Variants in DIAPH2 observed in about 807,000 individuals in gnomAD.
DIAPH2 encodes protein diaphanous homolog 2.
A neutral mutation model predicts 92.7 loss-of-function variants in DIAPH2; 35 were observed. The ratio of observed to expected loss-of-function variants is 0.38; its 90% CI spans 0.29 to 0.50. DIAPH2 has a LOEUF of 0.50. DIAPH2 is among the 20% of genes least tolerant of loss of function. DIAPH2 has a pLI of 0.94. For missense variants in DIAPH2, 701 were observed against 819.5 expected, an observed-to-expected ratio of 0.86 and a Z score of 1.77; for synonymous variants, 301 against 280.4, an observed-to-expected ratio of 1.07 and a Z score of -0.73.
intron 4 of DIAPH2, among the ~76,000 whole-genome samples, chrX:96,861,137 G>A (rs2065070046): frequency 9.0e-6 from 1 of 111,221 alleles, no homozygotes; most frequent in Non-Finnish European, 1.9e-5. Context: ...AGGAGGTTTA[G>A]GCAGGATATA....
chrX:97,274,191 A>G (rs1360402483), intron 23 of DIAPH2, among the ~76,000 whole-genome samples: 2 of 111,105 alleles, frequency 1.8e-5, no homozygotes. Context: ...AGGACTCTGG[A>G]TAAGTACAAC....
intron 26 of DIAPH2, among the ~76,000 whole-genome samples, chrX:97,594,451 A>G (rs182199273): frequency 6.8e-4 from 77 of 112,980 alleles, no homozygotes; most frequent in African/African-American, 2.5e-3. Context: ...TGATTTCAGT[A>G]TAACAGTCCA....
chrX:97,295,538 A>G (rs750030810), intron 23 of DIAPH2, among the ~76,000 whole-genome samples: 1 of 111,343 alleles, frequency 9.0e-6, no homozygotes, highest in South Asian at 3.8e-4. Context: ...GAACTATCCT[A>G]TGAGTTAGGA....
intron 22 of DIAPH2, among the ~76,000 whole-genome samples, chrX:97,180,235 T>A (rs1036874753): frequency 8.9e-6 from 1 of 112,517 alleles, no homozygotes; most frequent in African/African-American, 3.2e-5. Context: ...TGTTTTGATT[T>A]GCATTTCTCT....
chrX:97,264,672 G>A (rs957747448), intron 23 of DIAPH2, among the ~76,000 whole-genome samples: 1 of 112,218 alleles, frequency 8.9e-6, no homozygotes, highest in Non-Finnish European at 1.9e-5. Context: ...ATTCAGGGAT[G>A]GTCAATCTTC....
chrX:96,886,121 A>C (rs934287282), intron 5 of DIAPH2, among the ~76,000 whole-genome samples: 2 of 110,363 alleles, frequency 1.8e-5, no homozygotes, highest in African/African-American at 6.6e-5. Flanking sequence ...AAATACCCAG[A>C]ACATATGCTA....
At chrX:97,086,935 A>G (rs2066787757) in intron 19 of DIAPH2, among the ~76,000 whole-genome samples, 1 of 111,234 alleles carries the variant, frequency 9.0e-6, no homozygotes, top group Non-Finnish European at 1.9e-5. Flanking sequence ...GCTGGACAGC[A>G]ATAAAAAGTA....
At chrX:97,432,221 A>T (rs2070134158) in intron 26 of DIAPH2, among the ~76,000 whole-genome samples, 1 of 112,012 alleles carries the variant, frequency 8.9e-6, no homozygotes, top group Non-Finnish European at 1.9e-5. Flanking sequence ...TCGCTTATAG[A>T]TGGGTATTAC....
intron 4 of DIAPH2, among the ~76,000 whole-genome samples, chrX:96,776,156 A>C (rs1332254689): frequency 9.0e-6 from 1 of 111,385 alleles, no homozygotes; most frequent in Non-Finnish European, 1.9e-5. Flanking sequence ...CTAAATATGA[A>C]AATATTTGCA....
intron 23 of DIAPH2, among the ~76,000 whole-genome samples, chrX:97,325,665 C>T (rs929995517): frequency 1.8e-5 from 2 of 109,539 alleles, no homozygotes; most frequent in African/African-American, 3.3e-5. Context: ...GCAAGCTCCG[C>T]GTCCCGGGTT....
intron 23 of DIAPH2, among the ~76,000 whole-genome samples, chrX:97,265,007 CTT>C (rs1475297871): frequency 5.4e-5 from 6 of 111,313 alleles, no homozygotes; most frequent in Non-Finnish European, 9.4e-5. Flanking sequence ...AAAAAAAAGA[CTT>C]TATTCTCTGT....
rs1273349100 is a variant in DIAPH2 at position 96,806,662 on chromosome X, A to AAAAT, written c.447+48406_447+48407insATAA. Among the ~76,000 whole-genome samples the AAAAT allele has an allele frequency of 1.6e-3, 168 of 104,853 alleles. 7 individuals are homozygous for AAAAT. Among genetic ancestry groups the AAAAT allele is most frequent in the Non-Finnish European group, 2.7e-3 (139 of 51,454 alleles). 91.1% of individuals were successfully genotyped at this position (104,853 alleles called of 115,157 possible). ...ACTCCATCTCAAAAAAAAAAAAAAA[A>AAAAT]AAGAAACAAAGAAATTATATTTCAT... On this transcript the variant is annotated intron_variant, in intron 4 of 26. Transcript: ENST00000324765.
At chrX:96,709,416 G>A (rs377163667) in intron 1 of DIAPH2, among the ~76,000 whole-genome samples, 12 of 112,027 alleles carry the variant, frequency 1.1e-4, no homozygotes, top group African/African-American at 3.6e-4. Flanking sequence ...TTAAGCATAG[G>A]TGAGGTAACT....
At chrX:97,017,167 G>A (rs1246600505) in intron 17 of DIAPH2, among the ~76,000 whole-genome samples, 1 of 112,034 alleles carries the variant, frequency 8.9e-6, no homozygotes. Context: ...TAACCCTGAA[G>A]TGTGTCTCTC....
At chrX:97,375,648 A>G (rs1193675490) in intron 24 of DIAPH2, among the ~76,000 whole-genome samples, 2 of 111,981 alleles carry the variant, frequency 1.8e-5, no homozygotes, top group Non-Finnish European at 3.8e-5. Context: ...CATGTTTAGG[A>G]CATCTTTGGG....
At chrX:97,346,372 G>A (rs1460407835) in intron 23 of DIAPH2, among the ~76,000 whole-genome samples, 2 of 109,319 alleles carry the variant, frequency 1.8e-5, no homozygotes, top group South Asian at 4.0e-4. Flanking sequence ...CTCTCCCTCT[G>A]TGTCCCTCTC....
chrX:97,011,004 C>T (rs772709887), intron 17 of DIAPH2, among the ~76,000 whole-genome samples: 8 of 112,005 alleles, frequency 7.1e-5, no homozygotes, highest in Non-Finnish European at 1.3e-4. Context: ...ATTTACCCCA[C>T]ATAATATTAT....
intron 23 of DIAPH2, among the ~76,000 whole-genome samples, chrX:97,334,356 G>A (rs959700192): frequency 6.4e-5 from 7 of 108,664 alleles, no homozygotes; most frequent in African/African-American, 1.0e-4. Context: ...CCAGCTACTC[G>A]GGAGGCTGAG....
chrX:97,359,145 T>G (rs1426191780), intron 24 of DIAPH2, among the ~76,000 whole-genome samples: 1 of 111,215 alleles, frequency 9.0e-6, no homozygotes, highest in Non-Finnish European at 1.9e-5. Context: ...GAATCTTGAT[T>G]TCTCTTTTTG....
Sources: allele counts gnomAD v4.1 joint callset (sites outside exome capture counted in the v4.1 genomes callset), GRCh38; gene constraint gnomAD v4.1.1; transcripts MANE v1.5; gene names NCBI Gene and HGNC (gene_info 2026-07-23, HGNC 2026-07-21).